SMIM36: variants seen among roughly 807,000 people sequenced by gnomAD.
SMIM36 encodes small integral membrane protein 36.
At chr17:55,498,466 C>T (rs1022415753) in intron 1 of SMIM36, among the ~76,000 whole-genome samples, 2 of 152,082 alleles carry the variant, frequency 1.3e-5, no homozygotes, top group Non-Finnish European at 2.9e-5. Context: ...GTCATGAAGT[C>T]CTCTACTTAT....
At chr17:55,511,236 C>T (rs1229277255) in exon 1 of SMIM36, 3 of 398,524 alleles carry the variant, frequency 7.5e-6, no homozygotes, top group Non-Finnish European at 1.3e-5. Context: ...AGTCGTATAG[C>T]ACGCAGGAGA....
intron 4 of SMIM36, among the ~76,000 whole-genome samples, chr17:55,457,328 G>A (rs1909042100): frequency 1.3e-5 from 2 of 151,066 alleles, no homozygotes; most frequent in Admixed American, 6.6e-5. Context: ...GTGTGCACCC[G>A]TAGTCCTAGC....
the SMIM36 span, among the ~76,000 whole-genome samples, chr17:55,524,770 G>A: frequency 6.6e-6 from 1 of 152,126 alleles, no homozygotes; most frequent in African/African-American, 2.4e-5. Flanking sequence ...AGTGAAAAAA[G>A]TGCCCTATTA....
chr17:55,501,007 T>TAC (rs1567870711), intron 1 of SMIM36, among the ~76,000 whole-genome samples: 1 of 9,616 alleles, frequency 1.0e-4, no homozygotes. Flanking sequence ...ATGTAACATA[T>TAC]TATTATATTT....
chr17:55,513,740 T>C (rs1168468518), upstream of SMIM36, among the ~76,000 whole-genome samples: 2 of 152,234 alleles, frequency 1.3e-5, no homozygotes, highest in Non-Finnish European at 2.9e-5. Context: ...GACTCTGAAA[T>C]GAGAACTACA....
intron 4 of SMIM36, among the ~76,000 whole-genome samples, chr17:55,461,457 T>G (rs1716116854): frequency 6.6e-6 from 1 of 152,116 alleles, no homozygotes; most frequent in African/African-American, 2.4e-5. Context: ...AGAAATCAGA[T>G]CAGTGATTGC....
At chr17:55,490,134 C>A (rs1025907181) in intron 1 of SMIM36, among the ~76,000 whole-genome samples, 4 of 152,074 alleles carry the variant, frequency 2.6e-5, no homozygotes, top group Non-Finnish European at 5.9e-5. Flanking sequence ...GGATTATAGA[C>A]AGGAGCCACC....
At chr17:55,484,423 A>C (rs1434074347) in intron 1 of SMIM36, among the ~76,000 whole-genome samples, 2 of 152,230 alleles carry the variant, frequency 1.3e-5, no homozygotes, top group Non-Finnish European at 2.9e-5. Flanking sequence ...ATCAACAAGG[A>C]ATGAAACCGT....
intron 4 of SMIM36, among the ~76,000 whole-genome samples, chr17:55,461,712 C>T (rs1052300710): frequency 6.6e-6 from 1 of 152,076 alleles, no homozygotes; most frequent in African/African-American, 2.4e-5. Flanking sequence ...TATGAATTTC[C>T]AGAAAAACAT....
At chr17:55,487,015 C>T (rs1909618429) in intron 1 of SMIM36, among the ~76,000 whole-genome samples, 3 of 152,150 alleles carry the variant, frequency 2.0e-5, no homozygotes, top group African/African-American at 4.8e-5. Context: ...AAGGCATGGC[C>T]TCTGGCTGCG....
intron 1 of SMIM36, among the ~76,000 whole-genome samples, chr17:55,490,124 G>A (rs948691132): frequency 1.3e-5 from 2 of 151,792 alleles, no homozygotes; most frequent in East Asian, 1.9e-4. Flanking sequence ...CAAAGTGCTC[G>A]GATTATAGAC....
chr17:55,528,393 C>G, the SMIM36 span, among the ~76,000 whole-genome samples: 1 of 151,862 alleles, frequency 6.6e-6, no homozygotes, highest in Non-Finnish European at 1.5e-5. Context: ...ACTCTGTCAC[C>G]CAGGCCTGAG....
At chr17:55,489,850 G>T (rs374933317) in intron 1 of SMIM36, among the ~76,000 whole-genome samples, 60 of 54,044 alleles carry the variant, frequency 1.1e-3, no homozygotes, top group African/African-American at 2.4e-3. Flanking sequence ...TTATTGCTCG[G>T]TTTTTTTTTG....
the SMIM36 span, among the ~76,000 whole-genome samples, chr17:55,528,869 A>C: frequency 6.6e-6 from 1 of 152,200 alleles, no homozygotes; most frequent in Non-Finnish European, 1.5e-5. Context: ...TCTTAAACCT[A>C]TAACGTAATT....
intron 1 of SMIM36, among the ~76,000 whole-genome samples, chr17:55,498,460 T>C (rs570728429): frequency 1.4e-4 from 22 of 152,328 alleles, no homozygotes; most frequent in South Asian, 6.2e-4. Flanking sequence ...CAGCAGGTCA[T>C]GAAGTCCTCT....
At chr17:55,501,645 TAATATATATTG>T (rs1056273429) in intron 1 of SMIM36, among the ~76,000 whole-genome samples, 1 of 142,790 alleles carries the variant, frequency 7.0e-6, no homozygotes, top group African/African-American at 2.6e-5. Context: ...ATGAGAAATT[TAATATATATTG>T]AATATATAAT....
chr17:55,486,806 T>A (rs1327580402), intron 1 of SMIM36, among the ~76,000 whole-genome samples: 1 of 152,226 alleles, frequency 6.6e-6, no homozygotes, highest in Non-Finnish European at 1.5e-5. Context: ...ATCAGACAAA[T>A]GAATTCACAC....
intron 4 of SMIM36, among the ~76,000 whole-genome samples, chr17:55,457,098 T>C (rs918301661): frequency 4.6e-5 from 7 of 152,060 alleles, no homozygotes; most frequent in African/African-American, 1.4e-4. Flanking sequence ...TAAGAGTAGA[T>C]TGGGAAAGGA....
At chr17:55,519,580 A>G in the SMIM36 span, among the ~76,000 whole-genome samples, 2 of 152,202 alleles carry the variant, frequency 1.3e-5, no homozygotes, top group Non-Finnish European at 2.9e-5. Context: ...AGAAGGGCAT[A>G]TCTTTGGAGT....
Sources: gnomAD v4.1 joint callset for allele counts (sites outside exome capture counted in the v4.1 genomes callset) on GRCh38, gnomAD v4.1.1 for gene constraint, MANE v1.5 for transcripts, NCBI Gene and HGNC (gene_info 2026-07-23, HGNC 2026-07-21) for gene names.